Variants in ITPR2 observed in about 807,000 individuals in gnomAD.
The protein encoded by ITPR2 is inositol 1,4,5-trisphosphate receptor type 2.
A neutral mutation model predicts 317.1 loss-of-function variants in ITPR2; 207 were observed. That is an observed-to-expected ratio of 0.65 (90% CI 0.58 to 0.73). The LOEUF (loss-of-function observed/expected upper bound fraction) is 0.73. ITPR2 is among the 30% of genes least tolerant of loss of function. The probability of loss-of-function intolerance (pLI) is 0.00; values close to 1 mark genes in which losing one functional copy is unlikely to be tolerated. For missense variants in ITPR2, 2,613 were observed against 3,284.0 expected, an observed-to-expected ratio of 0.80 and a Z score of 4.99; for synonymous variants, 1,156 against 1,149.1, an observed-to-expected ratio of 1.01 and a Z score of -0.12.
At chr12:26,391,552 T>TC (rs1565501170) in intron 54 of ITPR2, among the ~76,000 whole-genome samples, 5 of 63,574 alleles carry the variant, frequency 7.9e-5, no homozygotes, top group Admixed American at 2.0e-4. Flanking sequence ...TTCTTCTTCT[T>TC]TTCCTTTTTT....
At position 26,474,532 on chromosome 12, in the gene ITPR2, G is replaced by A. The variant is rs376144863; in HGVS notation, c.6342+764C>T. 4.2e-3 allele frequency among the ~76,000 whole-genome samples: 640 copies of A among 152,214 alleles called. 5 individuals are homozygous for A. The highest frequency in any genetic ancestry group is 0.015 in the African/African-American group (615 of 41,552). ...TTAAAGGCCGGGCGCGGTGGCTCAC[G>A]CCTGTAATCCCAGCACTTTGGGAGG... On this transcript the variant is annotated intron_variant, in intron 45 of 56. Transcript: ENST00000381340.
chr12:26,716,567 T>C (rs1264636376), intron 5 of ITPR2, among the ~76,000 whole-genome samples: 2 of 152,144 alleles, frequency 1.3e-5, no homozygotes, highest in African/African-American at 4.8e-5. Flanking sequence ...TCTTATGCCA[T>C]AAGCACAACA....
intron 55 of ITPR2, among the ~76,000 whole-genome samples, chr12:26,359,826 C>T (rs1938766541): frequency 6.6e-6 from 1 of 152,070 alleles, no homozygotes; most frequent in Non-Finnish European, 1.5e-5. Context: ...AGTTTTCAAA[C>T]CTTCCCATGT....
At position 26,821,533 on chromosome 12, in the gene ITPR2, T is replaced by A. The variant is rs551129434; in HGVS notation, c.92+11157A>T. On this transcript the variant is annotated intron_variant, in intron 1 of 56. Transcript: ENST00000381340. The stretch of plus-strand genomic sequence containing the variant: ...CCTGCCTCTCCTGATGCTCAGTTGT[T>A]GAGCTCATCATTTTATTTCTTGGAG... 2.0e-5 allele frequency among the ~76,000 whole-genome samples: 3 copies of A among 152,366 alleles called. No homozygotes were observed. The East Asian group carries it at 5.8e-4, about 29-fold the overall frequency.
At chr12:26,399,708 T>C (rs1400617786) in intron 53 of ITPR2, among the ~76,000 whole-genome samples, 1 of 152,248 alleles carries the variant, frequency 6.6e-6, no homozygotes, top group Non-Finnish European at 1.5e-5. Context: ...TATGAAATCC[T>C]GTTAGAATTT....
intron 10 of ITPR2, among the ~76,000 whole-genome samples, chr12:26,693,571 A>C (rs1188103560): frequency 6.6e-6 from 1 of 152,202 alleles, no homozygotes; most frequent in Non-Finnish European, 1.5e-5. Context: ...GATTAGTCAT[A>C]ATATCTAATA....
chr12:26,577,988 A>T (rs1187603505), intron 34 of ITPR2, among the ~76,000 whole-genome samples: 1 of 152,202 alleles, frequency 6.6e-6, no homozygotes, highest in East Asian at 1.9e-4. Flanking sequence ...TACCCAACAA[A>T]TGTTAACAGT....
At chr12:26,448,648 G>A (rs1329529672) in intron 45 of ITPR2, among the ~76,000 whole-genome samples, 7 of 152,102 alleles carry the variant, frequency 4.6e-5, no homozygotes, top group Non-Finnish European at 1.5e-5. Flanking sequence ...GTGAGGAGGG[G>A]ATCCAAAGCA....
chr12:26,812,973 G>C (rs1950782462), intron 1 of ITPR2, among the ~76,000 whole-genome samples: 1 of 152,144 alleles, frequency 6.6e-6, no homozygotes, highest in African/African-American at 2.4e-5. Flanking sequence ...GTACAACATG[G>C]ACCTGAGTTT....
At chr12:26,679,996 C>T (rs1051181901) in intron 13 of ITPR2, among the ~76,000 whole-genome samples, 2 of 152,042 alleles carry the variant, frequency 1.3e-5, no homozygotes, top group African/African-American at 4.8e-5. Context: ...ACAGTAGGCA[C>T]ACAACCTAAT....
intron 55 of ITPR2, among the ~76,000 whole-genome samples, chr12:26,384,669 G>C (rs540875358): frequency 7.2e-5 from 11 of 152,282 alleles, no homozygotes; most frequent in Middle Eastern, 6.8e-3. Context: ...AGGTAAAAAA[G>C]TCACCCGGTG....
chr12:26,621,321 A>C (rs767452861), intron 25 of ITPR2, 25 bp from the exon 26 acceptor site: 8 of 1,543,526 alleles, frequency 5.2e-6, no homozygotes, highest in Non-Finnish European at 7.1e-6. Context: ...TTTCAATCTT[A>C]GTTGAAGTTC....
At chr12:26,658,767 A>G (rs1484580274) in intron 16 of ITPR2, among the ~76,000 whole-genome samples, 1 of 152,170 alleles carries the variant, frequency 6.6e-6, no homozygotes. Context: ...CTATTTTCTC[A>G]TCTCTAAAAT....
At chr12:26,553,371 A>G (rs1222173454) in intron 36 of ITPR2, among the ~76,000 whole-genome samples, 1 of 152,218 alleles carries the variant, frequency 6.6e-6, no homozygotes, top group East Asian at 1.9e-4. Context: ...CTGCAGACTC[A>G]TCTGAGTCAA....
chr12:26,474,033 T>G (rs1183342235), intron 45 of ITPR2, among the ~76,000 whole-genome samples: 1 of 152,260 alleles, frequency 6.6e-6, no homozygotes. Context: ...GTGTCTTTTG[T>G]TAGTATCTTT....
intron 55 of ITPR2, among the ~76,000 whole-genome samples, chr12:26,354,613 T>A (rs140174894): frequency 9.8e-5 from 15 of 152,318 alleles, no homozygotes; most frequent in African/African-American, 3.1e-4. Context: ...TTTAAGTCTT[T>A]TCCATTGTCT....
At chr12:26,721,223 C>A in intron 5 of ITPR2, 2 of 451,732 alleles carry the variant, frequency 4.4e-6, no homozygotes, top group East Asian at 3.3e-5. Context: ...TTTAAGAAAT[C>A]CAACCAACAC....
intron 48 of ITPR2, among the ~76,000 whole-genome samples, chr12:26,432,191 T>C (rs1212171062): frequency 6.6e-6 from 1 of 152,134 alleles, no homozygotes; most frequent in Non-Finnish European, 1.5e-5. Flanking sequence ...ATGTCCTTCT[T>C]CTGAACCAGG....
intron 29 of ITPR2, among the ~76,000 whole-genome samples, 197 bp from the exon 30 acceptor site, chr12:26,599,542 T>C (rs1945941089): frequency 6.6e-6 from 1 of 152,172 alleles, no homozygotes; most frequent in African/African-American, 2.4e-5. Flanking sequence ...AGGAATTTAG[T>C]TGGAGAAATG....
Sources: gnomAD v4.1 joint callset for allele counts (sites outside exome capture counted in the v4.1 genomes callset) on GRCh38, gnomAD v4.1.1 for gene constraint, MANE v1.5 for transcripts, NCBI Gene and HGNC (gene_info 2026-07-23, HGNC 2026-07-21) for gene names.